Variants in ARHGAP27 observed in about 807,000 individuals in gnomAD.
ARHGAP27 encodes rho GTPase-activating protein 27.
In ARHGAP27, 53 loss-of-function variants were observed where a neutral mutation model predicts 102.0. The ratio of observed to expected loss-of-function variants is 0.52; its 90% confidence interval spans 0.42 to 0.65. The LOEUF (loss-of-function observed/expected upper bound fraction) is 0.65. Ranked by LOEUF, ARHGAP27 falls within the 30% of genes least tolerant of loss-of-function variation. The pLI, the probability that ARHGAP27 is intolerant of heterozygous loss-of-function variation, is 0.00. For missense variants in ARHGAP27, 1,117 were observed against 1,256.2 expected, an observed-to-expected ratio of 0.89 and a Z score of 1.68; for synonymous variants, 525 against 542.8, an observed-to-expected ratio of 0.97 and a Z score of 0.46.
chr17:45,422,377 A>C (rs1001929104), intron 4 of ARHGAP27, among the ~76,000 whole-genome samples: 3 of 152,092 alleles, frequency 2.0e-5, no homozygotes, highest in Non-Finnish European at 4.4e-5. Flanking sequence ...TGATCACACC[A>C]CTGCACTCCA....
chr17:45,411,151 A>T (rs2047864774), intron 4 of ARHGAP27, among the ~76,000 whole-genome samples: 1 of 151,976 alleles, frequency 6.6e-6, no homozygotes, highest in Admixed American at 6.6e-5. Context: ...GGAAGGTTAA[A>T]TCTTCTTCCT....
Position 45,430,374 on chromosome 17 carries a change from TG to T in ARHGAP27, c.-18-78del. ...ATAGCCCCGCACTCGGGGACAGACT[TG>T]GGTTCGAGTCCCGATCCTGCACTCG... On this transcript the variant is annotated intron_variant, in intron 3 of 19. Coordinates refer to ENST00000685559, the MANE Select transcript of ARHGAP27 (RefSeq NM_001282290.2). The surrounding 1 kb of genome is among the most constrained non-coding windows in gnomAD (Gnocchi z 4.4). 1 of 1,479,750 alleles carries T rather than the reference TG, an allele frequency of 6.8e-7. No homozygotes were observed. 91.7% of individuals were successfully genotyped at this position (1,479,750 alleles called of 1,614,324 possible). A position where few individuals can be genotyped will look rare whatever the true frequency, so the allele number is the denominator to read the frequency against.
chr17:45,395,375 G>T lies in ARHGAP27; in HGVS notation c.*81C>A. On this transcript the variant is annotated 3_prime_UTR_variant, in exon 20 of 20. Transcript: ENST00000685559. Reference sequence around the variant, plus strand: ...ATGCGCTGGCGGAGGGTCCCAGAGAGAAGAAGGCCCGGCTGCGTGGCCTCC... The same window carrying T: ...ATGCGCTGGCGGAGGGTCCCAGAGATAAGAAGGCCCGGCTGCGTGGCCTCC... 6.8e-7 allele frequency: 1 copy of T among 1,469,992 alleles called. No individual in the cohort carries two copies. The highest frequency in any genetic ancestry group is 9.1e-7 in the Non-Finnish European group (1 of 1,098,000). The allele number at this position is 1,469,992 out of a possible 1,614,324, so 91.1% of individuals were successfully genotyped here.
rs1373659834 is a variant in ARHGAP27, at chr17:45,396,422, C to A, written c.2173+65G>T. 2.7e-6 allele frequency: 4 copies of A among 1,469,634 alleles called. No homozygotes were observed. In the African/African-American group the frequency reaches 4.2e-5, roughly 15 times the overall value. The allele number at this position is 1,469,634 out of a possible 1,614,324, so 91.0% of individuals were successfully genotyped here. On this transcript the variant is annotated intron_variant, in intron 16 of 19. Transcript: ENST00000685559. ...CGTCCATCCAGGGGTCTCCAGCCTG[C>A]GGTCCTGGCAGGAGGCCTGCGGGCA...
At position 45,398,160 on chromosome 17, in the gene ARHGAP27, A is replaced by G. The variant is rs1597766559; in HGVS notation, c.1744-113T>C. ...AGGTGACCTGTCCCTGCCCCCAGGC[A>G]CTCAGAGCTTAATGGAGCAAGGGCC... is the stretch of plus-strand genomic sequence containing the variant. On this transcript the variant is annotated intron_variant, in intron 12 of 19. Transcript: ENST00000685559. 4.0e-5 allele frequency: 29 copies of G among 720,452 alleles called. No individual in the cohort carries two copies. In the East Asian group the frequency reaches 8.6e-4, roughly 21 times the overall value. 44.6% of individuals were successfully genotyped at this position (720,452 alleles called of 1,614,324 possible).
At chr17:45,406,655 G>A (rs1188560663) in intron 4 of ARHGAP27, among the ~76,000 whole-genome samples, 1 of 152,220 alleles carries the variant, frequency 6.6e-6, no homozygotes, top group Non-Finnish European at 1.5e-5. Context: ...TCAGGGCCCT[G>A]CTGCATTCTT....
Position 45,430,098 on chromosome 17 carries a change from G to T in ARHGAP27, c.182C>A (p.Ala61Glu). The change falls in exon 4 of 20, where the codon GCG (alanine) becomes GAG (glutamate). Residue 61 changes from alanine to glutamate, a missense_variant. Ala to Glu is a moderately radical substitution (Grantham distance 107). Coordinates refer to ENST00000685559, the MANE Select transcript of ARHGAP27 (RefSeq NM_001282290.2). The surrounding 1 kb of genome is among the most constrained non-coding windows in gnomAD (Gnocchi z 4.4). The part of the protein sequence containing the change: ...EPGGRPFYLP[A>E]QYVRELPALG... ...CGCGGGCAGCTCGCGCACGTACTGC[G>T]CAGGCAGGTAGAAGGGGCGGCCGCC... The T allele has an allele frequency of 6.6e-7, 1 of 1,509,654 alleles. No homozygotes were observed. Among genetic ancestry groups the T allele is most frequent in the Non-Finnish European group, 8.8e-7 (1 of 1,136,462 alleles). 93.5% of individuals were successfully genotyped at this position (1,509,654 alleles called of 1,614,324 possible). A position where few individuals can be genotyped will look rare whatever the true frequency, so the allele number is the denominator to read the frequency against.
chr17:45,399,161 A>T (rs1230096), intron 12 of ARHGAP27, among the ~76,000 whole-genome samples: 48,806 of 151,996 alleles, frequency 0.32, 8,048 homozygotes, highest in East Asian at 0.55. Flanking sequence ...GCTCACACCA[A>T]CCCTGCCCTT....
chr17:45,409,467 T>C (rs1597811805), intron 4 of ARHGAP27: 1 of 152,200 alleles, frequency 6.6e-6, no homozygotes, highest in East Asian at 1.9e-4. Context: ...ACAGCAGCAT[T>C]CCTCTGAAGG....
At chr17:45,419,731 T>C (rs529572515) in intron 4 of ARHGAP27, among the ~76,000 whole-genome samples, 1 of 151,624 alleles carries the variant, frequency 6.6e-6, no homozygotes, top group East Asian at 1.9e-4. Context: ...AGACAAAGGA[T>C]TATTTTCCCT....
Position 45,396,471 on chromosome 17 carries a change from C to G in ARHGAP27, c.2173+16G>C, listed in dbSNP as rs922677598. 3.3e-6 allele frequency: 5 copies of G among 1,519,900 alleles called. No homozygotes were observed. Among genetic ancestry groups the G allele is most frequent in the Non-Finnish European group, 1.8e-6 (2 of 1,138,462 alleles). 94.2% of individuals were successfully genotyped at this position (1,519,900 alleles called of 1,614,324 possible). A position where few individuals can be genotyped will look rare whatever the true frequency, so the allele number is the denominator to read the frequency against. ...CACCCCAATGCCTGCCGCCCTCACCCCCGCAGCGCACGTACCGCGGGCCTC... is the reference window on the plus strand; with the variant it reads ...CACCCCAATGCCTGCCGCCCTCACCGCCGCAGCGCACGTACCGCGGGCCTC... On this transcript the variant is annotated intron_variant, in intron 16 of 19. Coordinates refer to ENST00000685559, the MANE Select transcript of ARHGAP27 (RefSeq NM_001282290.2).
At chr17:45,416,587 C>T (rs1447012643) in intron 4 of ARHGAP27, among the ~76,000 whole-genome samples, 10 of 150,426 alleles carry the variant, frequency 6.6e-5, no homozygotes, top group South Asian at 2.1e-4. Flanking sequence ...CTAGCTCTGT[C>T]GCCCAGGCTG....
rs747555575 is a variant in ARHGAP27 at position 45,404,448 on chromosome 17, C to T, written c.1410G>A (p.Glu470=). 6.2e-6 allele frequency: 10 copies of T among 1,614,080 alleles called. No homozygotes were observed. The highest frequency in any genetic ancestry group is 8.5e-6 in the Non-Finnish European group (10 of 1,179,986). The change falls in exon 8 of 20, where the codon GAG becomes GAA. Residue 470 remains glutamate, a synonymous_variant. Transcript: ENST00000685559. ...DTPAQASPPE[E]KVPAELDEVG... is the part of the protein sequence containing the mutation. ...ACCTCAATGGCTCCTCCCCTACCTT[C>T]TCCTCTGGAGGGCTGGCCTGGGCTG... is the stretch of plus-strand genomic sequence containing the variant.
Position 45,394,769 on chromosome 17 carries a change from G to A in ARHGAP27, c.*687C>T, listed in dbSNP as rs769624638. 6 of 152,290 alleles carry A rather than the reference G, an allele frequency of 3.9e-5. No homozygotes were observed. Among genetic ancestry groups the A allele is most frequent in the Non-Finnish European group, 7.3e-5 (5 of 68,124 alleles). 9.4% of individuals were successfully genotyped at this position (152,290 alleles called of 1,614,324 possible). A position where few individuals can be genotyped will look rare whatever the true frequency, so the allele number is the denominator to read the frequency against. ...TGTGTGGAACTGGTGCATGCCGAGCGGCAGATGCAAGGTGTGCACTTGGTG... is the reference window on the plus strand; with the variant it reads ...TGTGTGGAACTGGTGCATGCCGAGCAGCAGATGCAAGGTGTGCACTTGGTG... On this transcript the variant is annotated 3_prime_UTR_variant, in exon 20 of 20. Coordinates refer to ENST00000685559, the MANE Select transcript of ARHGAP27 (RefSeq NM_001282290.2).
Position 45,429,954 on chromosome 17 carries a change from G to A in ARHGAP27, c.326C>T (p.Ala109Val), listed in dbSNP as rs1337506031. ...SAAATAGPDGAPEESGGRASS... is the reference protein window; with the variant it reads ...SAAATAGPDGVPEESGGRASS... ...GGCTCGGCCTCCGGACTCCTCGGGG[G>A]CGCCGTCGGGGCCCGCGGTCGCCGC... The change falls in exon 4 of 20, where the codon GCC becomes GTC. Residue 109 changes from alanine to valine, a missense_variant. By Grantham distance (64) the Ala-to-Val change is moderately conservative. Transcript: ENST00000685559. 2.7e-6 allele frequency: 3 copies of A among 1,131,512 alleles called. No homozygotes were observed. The highest frequency in any genetic ancestry group is 2.2e-6 in the Non-Finnish European group (2 of 925,618). The allele number at this position is 1,131,512 out of a possible 1,614,324, so 70.1% of individuals were successfully genotyped here.
intron 4 of ARHGAP27, among the ~76,000 whole-genome samples, chr17:45,406,401 G>A (rs538692610): frequency 5.9e-4 from 90 of 152,350 alleles, no homozygotes; most frequent in African/African-American, 2.1e-3. Flanking sequence ...TTTCCTGGGT[G>A]TAAAATGTCT....
intron 10 of ARHGAP27, 77 bp from the exon 11 acceptor site, chr17:45,403,786 C>T (rs932424039): frequency 3.1e-6 from 4 of 1,293,012 alleles, no homozygotes; most frequent in Non-Finnish European, 4.4e-6. Flanking sequence ...ACCCCAGGAA[C>T]AAGTCAGAGC....
At chr17:45,422,085 G>C (rs2049084626) in intron 4 of ARHGAP27, among the ~76,000 whole-genome samples, 1 of 152,130 alleles carries the variant, frequency 6.6e-6, no homozygotes, top group African/African-American at 2.4e-5. Context: ...AGAATCAGTT[G>C]AATCTGGCAG....
intron 13 of ARHGAP27, chr17:45,397,385 G>T: frequency 1.1e-6 from 1 of 940,444 alleles, no homozygotes; most frequent in Non-Finnish European, 1.3e-6. Context: ...TGCACCTCCA[G>T]CTGTGGCCGG....
Sources: gnomAD v4.1 joint callset for allele counts (sites outside exome capture counted in the v4.1 genomes callset) on GRCh38, gnomAD v4.1.1 for gene constraint, Gnocchi (gnomAD v3.1) non-coding constraint, MANE v1.5 for transcripts, NCBI Gene and HGNC (gene_info 2026-07-23, HGNC 2026-07-21) for gene names.